Variants in PHKB observed in about 807,000 individuals in gnomAD.
PHKB encodes phosphorylase b kinase regulatory subunit beta.
PHKB carries 122 observed loss-of-function variants against 152.1 expected under a neutral mutation model. That is an observed-to-expected ratio of 0.80 (90% CI 0.69 to 0.93). The LOEUF is 0.93. Among genes scored for constraint, PHKB ranks in the 40% least tolerant of loss-of-function variants. The pLI is 0.00. For missense variants in PHKB, 1,304 were observed against 1,328.4 expected, an observed-to-expected ratio of 0.98 and a Z score of 0.29; for synonymous variants, 436 against 464.9, an observed-to-expected ratio of 0.94 and a Z score of 0.80.
At chr16:47,593,263 AAG>A (rs146578432) in intron 10 of PHKB, among the ~76,000 whole-genome samples, 4 of 145,696 alleles carry the variant, frequency 2.7e-5, no homozygotes, top group African/African-American at 1.0e-4. Flanking sequence ...GAAAGAAAGA[AAG>A]AGAGAGAGAG....
In PHKB at chr16:47,700,107, G is replaced by A. The variant is rs1041235488; in HGVS notation, c.*741G>A. On this transcript the variant is annotated 3_prime_UTR_variant, in exon 31 of 31. Coordinates refer to ENST00000323584, the MANE Select transcript of PHKB (RefSeq NM_000293.3). ...CTCACACCTGAAATCTTAGCACTTC[G>A]GGAGGCTGAGGCAGGTGGATCACTT... The A allele has an allele frequency of 1.1e-4, 16 of 152,198 alleles. No individual in the cohort carries two copies. Among genetic ancestry groups the A allele is most frequent in the Non-Finnish European group, 1.5e-4 (10 of 68,184 alleles). 9.4% of individuals were successfully genotyped at this position (152,198 alleles called of 1,614,324 possible).
At chr16:47,571,520 C>T (rs1385696503) in intron 7 of PHKB, among the ~76,000 whole-genome samples, 1 of 152,172 alleles carries the variant, frequency 6.6e-6, no homozygotes, top group African/African-American at 2.4e-5. Context: ...AGACAAGCAC[C>T]TCTGTCCATC....
intron 14 of PHKB, among the ~76,000 whole-genome samples, chr16:47,636,709 G>T (rs940690195): frequency 6.6e-6 from 1 of 152,206 alleles, no homozygotes; most frequent in Non-Finnish European, 1.5e-5. Flanking sequence ...GAGGGAGGCC[G>T]GTGGGGCTAA....
intron 3 of PHKB, among the ~76,000 whole-genome samples, chr16:47,502,519 T>C (rs1970340307): frequency 6.6e-6 from 1 of 152,222 alleles, no homozygotes; most frequent in Non-Finnish European, 1.5e-5. Context: ...ACTAAATGCC[T>C]GCTCTGATGG....
chr16:47,606,013 G>T (rs147025851), intron 13 of PHKB, among the ~76,000 whole-genome samples: 1 of 152,242 alleles, frequency 6.6e-6, no homozygotes, highest in African/African-American at 2.4e-5. Context: ...GTTGTTGTGA[G>T]GATTAATGAA....
chr16:47,610,480 A>C (rs1330207988), intron 13 of PHKB, among the ~76,000 whole-genome samples: 1 of 151,984 alleles, frequency 6.6e-6, no homozygotes, highest in Non-Finnish European at 1.5e-5. Context: ...AGTATATTAG[A>C]ATATATTTTC....
intron 6 of PHKB, among the ~76,000 whole-genome samples, chr16:47,526,321 A>G (rs1970766174): frequency 2.6e-5 from 4 of 152,158 alleles, no homozygotes; most frequent in Admixed American, 1.3e-4. Context: ...AGGCAGGGAG[A>G]ATTGCTTGAA....
At chr16:47,584,560 A>G (rs899766937) in intron 8 of PHKB, among the ~76,000 whole-genome samples, 25 of 152,198 alleles carry the variant, frequency 1.6e-4, no homozygotes, top group Non-Finnish European at 3.1e-4. Flanking sequence ...TGGGTCAGTA[A>G]GCAAAAGTTG....
intron 14 of PHKB, among the ~76,000 whole-genome samples, chr16:47,635,662 T>C (rs1309113028): frequency 6.6e-6 from 1 of 152,142 alleles, no homozygotes; most frequent in Non-Finnish European, 1.5e-5. Context: ...AGATAGGACT[T>C]GTAGGTAGAT....
intron 9 of PHKB, among the ~76,000 whole-genome samples, chr16:47,588,476 A>G (rs1971972283): frequency 6.6e-6 from 1 of 152,182 alleles, no homozygotes; most frequent in Non-Finnish European, 1.5e-5. Flanking sequence ...TTGATAACCT[A>G]GCTCTGTGAA....
intron 1 of PHKB, among the ~76,000 whole-genome samples, chr16:47,473,778 A>G (rs1381008599): frequency 2.0e-5 from 3 of 152,232 alleles, no homozygotes; most frequent in African/African-American, 2.4e-5. Flanking sequence ...TACAGGGTAC[A>G]ATATAATGTT....
chr16:47,699,349 C>A lies in PHKB; in HGVS notation c.3265C>A (p.Pro1089Thr). 6.2e-7 allele frequency: 1 copy of A among 1,614,132 alleles called. No homozygotes were observed. The highest frequency in any genetic ancestry group is 8.5e-7 in the Non-Finnish European group (1 of 1,180,016). Residue 1089 changes from proline to threonine, a missense_variant, in exon 31 of 31, where the codon CCG (proline) becomes ACG (threonine). By Grantham distance (38) the Pro-to-Thr change is conservative. Transcript: ENST00000323584. Reference protein sequence around the residue: ...EGEVKPNNDDPCLIS With the variant: ...EGEVKPNNDDTCLIS ...AGAAGTCAAGCCAAACAATGATGAC[C>A]CGTGTCTGATTAGCTAGTGGGGAAG... is the stretch of plus-strand genomic sequence containing the variant.
At chr16:47,654,515 C>T (rs562834886) in intron 20 of PHKB, among the ~76,000 whole-genome samples, 41 of 152,088 alleles carry the variant, frequency 2.7e-4, no homozygotes, top group Admixed American at 5.9e-4. Flanking sequence ...ATGTTTATTG[C>T]GACACTATTC....
intron 7 of PHKB, among the ~76,000 whole-genome samples, chr16:47,578,325 T>A (rs1374804660): frequency 6.6e-6 from 1 of 152,216 alleles, no homozygotes; most frequent in African/African-American, 2.4e-5. Flanking sequence ...CCATTGATTG[T>A]ATTTTTTTCA....
chr16:47,685,289 G>A (rs1973943089), intron 26 of PHKB, among the ~76,000 whole-genome samples: 1 of 152,166 alleles, frequency 6.6e-6, no homozygotes, highest in Middle Eastern at 3.2e-3. Context: ...GCTGGGTGTG[G>A]TGGCGCACGC....
chr16:47,698,829 T>C (rs1434493793), intron 30 of PHKB, among the ~76,000 whole-genome samples: 2 of 152,062 alleles, frequency 1.3e-5, no homozygotes, highest in African/African-American at 4.8e-5. Context: ...AAATTTCCTT[T>C]ATATGGTTAG....
At chr16:47,673,074 T>C (rs925276432) in intron 26 of PHKB, among the ~76,000 whole-genome samples, 5 of 152,072 alleles carry the variant, frequency 3.3e-5, no homozygotes, top group African/African-American at 1.2e-4. Flanking sequence ...CTTATGTGGG[T>C]CTCACGAGAT....
chr16:47,636,070 C>G (rs911626084), intron 14 of PHKB, among the ~76,000 whole-genome samples: 1 of 152,102 alleles, frequency 6.6e-6, no homozygotes, highest in South Asian at 2.1e-4. Flanking sequence ...AGGTTCTGAG[C>G]TAGAGTGACC....
At chr16:47,563,811 C>T (rs1403644981) in intron 7 of PHKB, among the ~76,000 whole-genome samples, 1 of 152,106 alleles carries the variant, frequency 6.6e-6, no homozygotes, top group Non-Finnish European at 1.5e-5. Flanking sequence ...AGCCCCCTCT[C>T]ACCCTCCAGT....
Sources: allele counts gnomAD v4.1 joint callset (sites outside exome capture counted in the v4.1 genomes callset), GRCh38; gene constraint gnomAD v4.1.1; transcripts MANE v1.5; gene names NCBI Gene and HGNC (gene_info 2026-07-23, HGNC 2026-07-21).